Variants in PHACTR1 observed in about 807,000 individuals in gnomAD.
The protein encoded by PHACTR1 is phosphatase and actin regulator 1, also known as RPEL repeat containing 1.
In PHACTR1, 16 loss-of-function variants were observed where a neutral mutation model predicts 69.2. The observed-to-expected ratio is 0.23, with a 90% confidence interval of 0.16 to 0.35. PHACTR1 has a LOEUF of 0.35. Among genes scored for constraint, PHACTR1 ranks in the 10% least tolerant of loss-of-function variants. The probability of loss-of-function intolerance (pLI) is 1.00; values close to 1 mark genes in which losing one functional copy is unlikely to be tolerated. For missense variants in PHACTR1, 510 were observed against 734.7 expected (o/e 0.69, Z 3.54); for synonymous variants, 312 against 284.5 (o/e 1.10, Z -0.97).
chr6:13,190,060 G>A (rs1038786298), intron 7 of PHACTR1, among the ~76,000 whole-genome samples: 3 of 135,024 alleles, frequency 2.2e-5, no homozygotes, highest in South Asian at 4.6e-4. Context: ...TTTCTACTCC[G>A]TCGCCCAGGC....
At chr6:13,175,590 C>G (rs1417670020) in intron 6 of PHACTR1, among the ~76,000 whole-genome samples, 2 of 152,160 alleles carry the variant, frequency 1.3e-5, no homozygotes, top group Non-Finnish European at 2.9e-5. Context: ...TAGCAGGTCC[C>G]CCAGGAGAGC....
chr6:12,805,356 C>T (rs1409560209), intron 4 of PHACTR1, among the ~76,000 whole-genome samples: 4 of 152,174 alleles, frequency 2.6e-5, no homozygotes, highest in Non-Finnish European at 5.9e-5. Context: ...TCCCCTATCT[C>T]ACTTTTCTAG....
chr6:13,217,222 T>C (rs575407522), intron 8 of PHACTR1, among the ~76,000 whole-genome samples: 21 of 152,328 alleles, frequency 1.4e-4, no homozygotes, highest in African/African-American at 5.1e-4. Context: ...GCACCAGCAT[T>C]GTCTTCTAAT....
intron 4 of PHACTR1, among the ~76,000 whole-genome samples, chr6:13,048,444 C>T (rs1410906009): frequency 4.6e-5 from 7 of 151,958 alleles, no homozygotes; most frequent in Admixed American, 4.6e-4. Flanking sequence ...CTCCCACTTG[C>T]CTTCATCCCT....
intron 7 of PHACTR1, among the ~76,000 whole-genome samples, chr6:13,201,086 G>A (rs1311888488): frequency 6.6e-6 from 1 of 152,218 alleles, no homozygotes; most frequent in Non-Finnish European, 1.5e-5. Flanking sequence ...AGGGCAGTGA[G>A]CACGTTCCAT....
chr6:12,838,028 T>C (rs1310879095), intron 4 of PHACTR1, among the ~76,000 whole-genome samples: 1 of 152,234 alleles, frequency 6.6e-6, no homozygotes, highest in African/African-American at 2.4e-5. Flanking sequence ...TCCTTGCAGT[T>C]GTAGGACTGA....
At chr6:12,998,461 G>A (rs1797684576) in intron 4 of PHACTR1, among the ~76,000 whole-genome samples, 1 of 151,724 alleles carries the variant, frequency 6.6e-6, no homozygotes. Context: ...TCTACTTAAA[G>A]AAAAATTAGC....
At chr6:13,112,376 T>A (rs114966048) in intron 5 of PHACTR1, among the ~76,000 whole-genome samples, 4 of 152,354 alleles carry the variant, frequency 2.6e-5, no homozygotes, top group African/African-American at 9.6e-5. Context: ...TGATTTAAAT[T>A]CCTTTGGGTA....
At chr6:13,269,584 A>G (rs1777332870) in intron 10 of PHACTR1, among the ~76,000 whole-genome samples, 1 of 152,156 alleles carries the variant, frequency 6.6e-6, no homozygotes, top group Admixed American at 6.5e-5. Context: ...TAATCCCAGC[A>G]CTTTGGGAGG....
chr6:13,029,954 C>T lies in PHACTR1; in HGVS notation c.251-23411C>T, dbSNP rs149786920. ...CCAGATGTGCCACTTGCTAGTTGTGCGACCTTCTCAGACTAAGCCTCAGTT... is the reference window on the plus strand; with the variant it reads ...CCAGATGTGCCACTTGCTAGTTGTGTGACCTTCTCAGACTAAGCCTCAGTT... On this transcript the variant is annotated intron_variant, in intron 4 of 14. Coordinates refer to ENST00000332995, the MANE Select transcript of PHACTR1 (RefSeq NM_030948.6). 2.5e-3 allele frequency among the ~76,000 whole-genome samples: 385 copies of T among 152,282 alleles called. 1 individual carries two copies. The highest frequency in any genetic ancestry group is 8.9e-3 in the African/African-American group (368 of 41,564).
chr6:13,053,344 C>G, intron 4 of PHACTR1, 21 bp from the exon 5 acceptor site: 1 of 1,579,756 alleles, frequency 6.3e-7, no homozygotes, highest in Non-Finnish European at 8.6e-7. Context: ...TTGTTTTCAT[C>G]TCTTTCTTGG....
At chr6:12,931,511 A>G (rs1788867479) in intron 4 of PHACTR1, among the ~76,000 whole-genome samples, 1 of 152,100 alleles carries the variant, frequency 6.6e-6, no homozygotes, top group Non-Finnish European at 1.5e-5. Flanking sequence ...AATCCAGGAG[A>G]AAACTGGAGG....
chr6:12,798,930 C>A (rs141625583), intron 4 of PHACTR1, among the ~76,000 whole-genome samples: 2 of 152,152 alleles, frequency 1.3e-5, no homozygotes, highest in Non-Finnish European at 2.9e-5. Context: ...TCTCCAAGAA[C>A]CAAATTCCAC....
chr6:12,848,701 A>T (rs1779532221), intron 4 of PHACTR1, among the ~76,000 whole-genome samples: 1 of 152,236 alleles, frequency 6.6e-6, no homozygotes, highest in African/African-American at 2.4e-5. Context: ...TTGAGCAAAA[A>T]TGAGGAAAAT....
intron 5 of PHACTR1, among the ~76,000 whole-genome samples, chr6:13,098,857 C>T (rs989862585): frequency 4.6e-5 from 7 of 152,214 alleles, no homozygotes; most frequent in Non-Finnish European, 8.8e-5. Flanking sequence ...TATCTCTTGC[C>T]TGAGCCATCA....
chr6:13,134,205 TA>T, intron 5 of PHACTR1, among the ~76,000 whole-genome samples: 1 of 145,648 alleles, frequency 6.9e-6, no homozygotes, highest in African/African-American at 2.6e-5. Flanking sequence ...CGGAGGGAGG[TA>T]GGGGGCAGCC....
At chr6:12,909,101 C>T (rs1786074804) in intron 4 of PHACTR1, among the ~76,000 whole-genome samples, 1 of 152,126 alleles carries the variant, frequency 6.6e-6, no homozygotes, top group South Asian at 2.1e-4. Context: ...TCCAGGACTC[C>T]TCAGTACTTG....
At chr6:12,885,272 T>C (rs1214630937) in intron 4 of PHACTR1, among the ~76,000 whole-genome samples, 1 of 152,226 alleles carries the variant, frequency 6.6e-6, no homozygotes, top group Non-Finnish European at 1.5e-5. Flanking sequence ...CATCTGGTAC[T>C]GTTTGAGAAA....
At chr6:12,798,993 T>C (rs957978339) in intron 4 of PHACTR1, among the ~76,000 whole-genome samples, 5 of 152,236 alleles carry the variant, frequency 3.3e-5, no homozygotes, top group African/African-American at 9.6e-5. Context: ...GTTGTTCTCT[T>C]TTCTTTCCTT....
Sources: gnomAD v4.1 joint callset for allele counts (sites outside exome capture counted in the v4.1 genomes callset) on GRCh38, gnomAD v4.1.1 for gene constraint, MANE v1.5 for transcripts, NCBI Gene and HGNC (gene_info 2026-07-23, HGNC 2026-07-21) for gene names.